The following CDK6 variants were observed in gnomAD, a reference collection of about 807,000 sequenced individuals.
CDK6 encodes cyclin dependent kinase 6, also known as cyclin-dependent kinase 6.
In CDK6, 6 loss-of-function variants were observed where a neutral mutation model predicts 37.1. The ratio of observed to expected loss-of-function variants is 0.16; its 90% CI spans 0.09 to 0.32. The LOEUF (loss-of-function observed/expected upper bound fraction) is 0.32. CDK6 is among the 10% of genes least tolerant of loss of function. CDK6 has a pLI of 1.00. For synonymous variants in CDK6, 160 were observed against 161.3 expected, an observed-to-expected ratio of 0.99 and a Z score of 0.06; for missense variants, 224 against 418.9, an observed-to-expected ratio of 0.53 and a Z score of 4.06.
rs117852848 is a variant in CDK6 at position 92,688,874 on chromosome 7, C to G, written c.538-17339G>C. On this transcript the variant is annotated intron_variant, in intron 4 of 7. Transcript: ENST00000424848. ...ATTCCCTCTAAAGAGGTCACGCAGTCACATTTCCATTTGTTGTGAGTCTTC... is the reference window on the plus strand; with the variant it reads ...ATTCCCTCTAAAGAGGTCACGCAGTGACATTTCCATTTGTTGTGAGTCTTC... Among the ~76,000 whole-genome samples the G allele has an allele frequency of 8.2e-3, 1,243 of 152,224 alleles. 8 individuals carry two copies. The highest frequency in any genetic ancestry group is 0.012 in the Non-Finnish European group (802 of 68,010).
At chr7:92,820,825 A>G (rs1801153553) in intron 2 of CDK6, among the ~76,000 whole-genome samples, 1 of 152,148 alleles carries the variant, frequency 6.6e-6, no homozygotes, top group Non-Finnish European at 1.5e-5. Context: ...AAACAGAAGC[A>G]CCAAAAACAG....
At chr7:92,617,755 A>C (rs1474784127) in intron 7 of CDK6, among the ~76,000 whole-genome samples, 2 of 152,236 alleles carry the variant, frequency 1.3e-5, no homozygotes, top group Non-Finnish European at 2.9e-5. Flanking sequence ...GTAAGAAAGG[A>C]AACATAATAT....
In CDK6 at chr7:92,614,357, T is replaced by C. The variant is rs1320281500; in HGVS notation, c.*783A>G. On this transcript the variant is annotated 3_prime_UTR_variant, in exon 8 of 8. Transcript: ENST00000424848. ...TTCCAAAAGAAATGATAAAGCATGA[T>C]GTCATACAGAAGGTTAAAATAGACT... 3 of 211,112 alleles carry C rather than the reference T, an allele frequency of 1.4e-5. No homozygotes were observed. Among genetic ancestry groups the C allele is most frequent in the African/African-American group, 7.8e-5 (2 of 25,488 alleles). 13.1% of individuals were successfully genotyped at this position (211,112 alleles called of 1,614,324 possible).
intron 5 of CDK6, among the ~76,000 whole-genome samples, chr7:92,667,645 G>T (rs1354482944): frequency 6.7e-6 from 1 of 150,150 alleles, no homozygotes; most frequent in East Asian, 1.9e-4. Context: ...TGCCTCTCTT[G>T]GGCTCCAGTG....
intron 5 of CDK6, among the ~76,000 whole-genome samples, chr7:92,633,240 C>T (rs1342567457): frequency 6.6e-6 from 1 of 152,054 alleles, no homozygotes; most frequent in Non-Finnish European, 1.5e-5. Flanking sequence ...ATATAATATG[C>T]CTATCCAGCA....
Position 92,716,947 on chromosome 7 carries a change from C to T in CDK6, c.537+8679G>A, listed in dbSNP as rs567262654. On this transcript the variant is annotated intron_variant, in intron 4 of 7. Transcript: ENST00000424848. ...CCTGAGAAGCCCTTTACTTGAAAAA[C>T]TTTCTGAAGCATATGGTCTCATTAA... Among the ~76,000 whole-genome samples the T allele has an allele frequency of 2.0e-5, 3 of 152,234 alleles. No individual in the cohort carries two copies. In the South Asian group the frequency reaches 6.2e-4, roughly 32 times the overall value.
intron 3 of CDK6, 50 bp from the exon 4 acceptor site, chr7:92,725,843 A>G (rs2116711123): frequency 6.5e-7 from 1 of 1,548,240 alleles, no homozygotes; most frequent in Non-Finnish European, 8.9e-7. Flanking sequence ...ACGGAAGTTG[A>G]GCATTTGCTA....
chr7:92,643,922 T>C (rs1247146289), intron 5 of CDK6, among the ~76,000 whole-genome samples: 1 of 152,218 alleles, frequency 6.6e-6, no homozygotes, highest in Non-Finnish European at 1.5e-5. Flanking sequence ...TATTTGTTTC[T>C]TCCCCATGGA....
chr7:92,618,305 T>G, intron 6 of CDK6, 98 bp from the exon 7 acceptor site: 3 of 1,241,114 alleles, frequency 2.4e-6, no homozygotes, highest in Non-Finnish European at 3.4e-6. Flanking sequence ...GGGGGAGACA[T>G]GGGGGGCAGA....
At chr7:92,727,018 A>T (rs750353266) in intron 3 of CDK6, among the ~76,000 whole-genome samples, 1 of 152,206 alleles carries the variant, frequency 6.6e-6, no homozygotes, top group African/African-American at 2.4e-5. Flanking sequence ...ATATAAACCA[A>T]TATCAGATCT....
chr7:92,689,585 C>T (rs1797552812), intron 4 of CDK6, among the ~76,000 whole-genome samples: 1 of 152,134 alleles, frequency 6.6e-6, no homozygotes, highest in South Asian at 2.1e-4. Context: ...AATAGTGCTG[C>T]AATGAACATG....
rs920256227 is a variant in CDK6 at position 92,612,441 on chromosome 7, G to A, written c.*2699C>T. 4 of 233,062 alleles carry A rather than the reference G, an allele frequency of 1.7e-5. No homozygotes were observed. The highest frequency in any genetic ancestry group is 3.4e-5 in the Non-Finnish European group (4 of 117,992). 14.4% of individuals were successfully genotyped at this position (233,062 alleles called of 1,614,324 possible). A position where few individuals can be genotyped will look rare whatever the true frequency, so the allele number is the denominator to read the frequency against. ...AAATGCCCTAACGGCAAGACTGCTT[G>A]TGTTGGATCTGGATTTCAGAAATGG... On this transcript the variant is annotated 3_prime_UTR_variant, in exon 8 of 8. Transcript: ENST00000424848.
chr7:92,708,663 CT>C (rs151002304), intron 4 of CDK6, among the ~76,000 whole-genome samples: 256 of 152,178 alleles, frequency 1.7e-3, no homozygotes, highest in Middle Eastern at 6.8e-3. Flanking sequence ...TTAAAAGGCT[CT>C]GTTTGTAAAA....
intron 3 of CDK6, among the ~76,000 whole-genome samples, chr7:92,740,566 G>C (rs1798896694): frequency 6.6e-6 from 1 of 152,100 alleles, no homozygotes; most frequent in Non-Finnish European, 1.5e-5. Flanking sequence ...ACTGGAAATG[G>C]GGGTGGGATG....
chr7:92,810,688 C>T (rs530146546), intron 2 of CDK6, among the ~76,000 whole-genome samples: 1 of 151,940 alleles, frequency 6.6e-6, no homozygotes, highest in African/African-American at 2.4e-5. Context: ...AAGTTGTCAC[C>T]CAGGTTGGAA....
intron 5 of CDK6, among the ~76,000 whole-genome samples, chr7:92,625,558 AAAAC>A (rs1230578619): frequency 2.7e-5 from 4 of 149,296 alleles, no homozygotes; most frequent in African/African-American, 1.0e-4. Flanking sequence ...AAAACAAAAC[AAAAC>A]AAAAAAAACC....
chr7:92,782,414 G>T (rs1800015714), intron 2 of CDK6, among the ~76,000 whole-genome samples: 1 of 152,162 alleles, frequency 6.6e-6, no homozygotes, highest in Non-Finnish European at 1.5e-5. Flanking sequence ...CTGGCAATCT[G>T]GTTTTAACAG....
chr7:92,785,951 C>T (rs1272357078), intron 2 of CDK6, among the ~76,000 whole-genome samples: 1 of 152,148 alleles, frequency 6.6e-6, no homozygotes. Context: ...ACATTTTTCC[C>T]TTGACTAGTT....
chr7:92,672,214 C>G (rs1371945484), intron 4 of CDK6, among the ~76,000 whole-genome samples: 2 of 137,974 alleles, frequency 1.4e-5, no homozygotes, highest in Non-Finnish European at 3.1e-5. Flanking sequence ...CACACACACA[C>G]ACACACACAC....
Sources: gnomAD v4.1 joint callset for allele counts (sites outside exome capture counted in the v4.1 genomes callset) on GRCh38, gnomAD v4.1.1 for gene constraint, MANE v1.5 for transcripts, NCBI Gene and HGNC (gene_info 2026-07-23, HGNC 2026-07-21) for gene names.